The following USP31 variants were observed in gnomAD, a reference collection of about 807,000 sequenced individuals.
USP31 encodes the protein ubiquitin carboxyl-terminal hydrolase 31.
A neutral mutation model predicts 119.4 loss-of-function variants in USP31; 44 were observed. The ratio of observed to expected loss-of-function variants is 0.37; its 90% CI spans 0.29 to 0.47. The LOEUF is 0.47. Among genes scored for constraint, USP31 ranks in the 20% least tolerant of loss-of-function variants. USP31 has a pLI of 0.99. For synonymous variants in USP31, 749 were observed against 705.6 expected, an observed-to-expected ratio of 1.06 and a Z score of -0.97; for missense variants, 1,643 against 1,730.2, an observed-to-expected ratio of 0.95 and a Z score of 0.89.
At chr16:23,117,522 T>C (rs771249886) in intron 1 of USP31, among the ~76,000 whole-genome samples, 1 of 152,118 alleles carries the variant, frequency 6.6e-6, no homozygotes, top group African/African-American at 2.4e-5. Flanking sequence ...AGAGCCAGGA[T>C]AAAAGGGAGA....
Position 23,087,104 on chromosome 16 carries a change from G to C in USP31, c.1610C>G (p.Pro537Arg). The change falls in exon 9 of 16, where the codon CCA (proline) becomes CGA (arginine). Residue 537 changes from proline to arginine, a missense_variant. Physicochemically the swap from Pro to Arg is moderately radical, Grantham distance 103. Coordinates refer to ENST00000219689, the MANE Select transcript of USP31 (RefSeq NM_020718.4). ...LPQEEQPLCH[P>R]IVERALKSCG... ...AAATTTTTTTTACCTTTCTACTATT[G>C]GGTGGCACAAGGGCTGCTCCTCCTG... is the stretch of plus-strand genomic sequence containing the variant. 1 of 1,611,958 alleles carries C rather than the reference G, an allele frequency of 6.2e-7. No homozygotes were observed. Among genetic ancestry groups the C allele is most frequent in the South Asian group, 1.1e-5 (1 of 90,550 alleles).
chr16:23,086,362 T>TGA (rs1050812427), intron 9 of USP31, among the ~76,000 whole-genome samples: 4 of 152,030 alleles, frequency 2.6e-5, no homozygotes, highest in African/African-American at 9.7e-5. Context: ...ATAAAAAATT[T>TGA]GAGTTTTCAC....
intron 1 of USP31, among the ~76,000 whole-genome samples, chr16:23,114,814 G>A (rs1188188004): frequency 6.6e-6 from 1 of 152,120 alleles, no homozygotes; most frequent in Non-Finnish European, 1.5e-5. Flanking sequence ...GACCCTAAAG[G>A]AAATTTAAGG....
intron 1 of USP31, among the ~76,000 whole-genome samples, chr16:23,116,780 C>T (rs1360256786): frequency 6.6e-6 from 1 of 152,070 alleles, no homozygotes; most frequent in Admixed American, 6.6e-5. Flanking sequence ...AGCAGGGGAC[C>T]CTGGTGGGAG....
chr16:23,148,572 G>A lies in USP31; in HGVS notation c.633+66C>T, dbSNP rs1205931924. 2.9e-6 allele frequency: 4 copies of A among 1,396,864 alleles called. No homozygotes were observed. In the African/African-American group the frequency reaches 4.6e-5, roughly 16 times the overall value. 86.5% of individuals were successfully genotyped at this position (1,396,864 alleles called of 1,614,324 possible). Reference sequence around the variant, plus strand: ...GGCCAAGAGGAACCGAGGGAAGGAAGACCTGGGCGGGCAGGTGCCCCAGGG... The same window carrying A: ...GGCCAAGAGGAACCGAGGGAAGGAAAACCTGGGCGGGCAGGTGCCCCAGGG... On this transcript the variant is annotated intron_variant, in intron 1 of 15. Coordinates refer to ENST00000219689, the MANE Select transcript of USP31 (RefSeq NM_020718.4).
chr16:23,066,340 A>C lies in USP31; in HGVS notation c.*1706T>G, dbSNP rs1900067586. 1 of 152,648 alleles carries C rather than the reference A, an allele frequency of 6.6e-6. No individual in the cohort carries two copies. Among genetic ancestry groups the C allele is most frequent in the Non-Finnish European group, 1.5e-5 (1 of 68,042 alleles). The allele number at this position is 152,648 out of a possible 1,614,324, so 9.5% of individuals were successfully genotyped here. The stretch of plus-strand genomic sequence containing the variant: ...CTCCAGACTTGCAAGTTACCGGCTA[A>C]TGCGCAAATTAGCAGCAAAATAAAG... On this transcript the variant is annotated 3_prime_UTR_variant, in exon 16 of 16. Coordinates refer to ENST00000219689, the MANE Select transcript of USP31 (RefSeq NM_020718.4).
chr16:23,069,280 A>G lies in USP31; in HGVS notation c.2825T>C (p.Leu942Pro). 1 of 1,612,574 alleles carries G rather than the reference A, an allele frequency of 6.2e-7. No individual in the cohort carries two copies. The highest frequency in any genetic ancestry group is 8.5e-7 in the Non-Finnish European group (1 of 1,179,258). Residue 942 changes from leucine to proline, a missense_variant, in exon 16 of 16, where the codon CTG becomes CCG. Around this residue, in one of 5 missense-constraint regions of USP31, gnomAD observed 699 missense variants for 650.9 expected, o/e 1.07. Coordinates refer to ENST00000219689, the MANE Select transcript of USP31 (RefSeq NM_020718.4). The part of the protein sequence containing the change: ...REHKAVGRAP[L>P]AVMEGVFKDE... The stretch of plus-strand genomic sequence containing the variant: ...TTTGAACACGCCTTCCATGACAGCC[A>G]GAGGGGCCCGGCCCACAGCCTTGTG...
chr16:23,128,155 C>A (rs775186630), intron 1 of USP31, among the ~76,000 whole-genome samples: 7 of 152,182 alleles, frequency 4.6e-5, no homozygotes, highest in Non-Finnish European at 8.8e-5. Context: ...AGAAATCACT[C>A]CTTTCTTAGA....
intron 1 of USP31, among the ~76,000 whole-genome samples, chr16:23,136,874 T>C (rs1327194944): frequency 6.6e-6 from 1 of 152,224 alleles, no homozygotes; most frequent in Non-Finnish European, 1.5e-5. Flanking sequence ...ATGAACTATA[T>C]GCACTTGAAA....
intron 12 of USP31, 124 bp downstream of exon 12, chr16:23,082,314 C>T (rs1283679956): frequency 3.9e-6 from 5 of 1,286,118 alleles, no homozygotes; most frequent in South Asian, 1.5e-5. Flanking sequence ...GTGTCTATAA[C>T]ATACACAGAC....
intron 1 of USP31, among the ~76,000 whole-genome samples, chr16:23,141,212 T>A (rs1567249616): frequency 6.6e-6 from 1 of 152,162 alleles, no homozygotes; most frequent in East Asian, 1.9e-4. Context: ...ACCTCCTCCA[T>A]CCCGCTCTCC....
rs950715979 is a variant in USP31 at position 23,084,805 on chromosome 16, C to A, written c.1830+55G>T. 1.1e-5 allele frequency: 17 copies of A among 1,600,640 alleles called. No individual in the cohort carries two copies. The African/African-American group carries it at 2.3e-4, about 21-fold the overall frequency. On this transcript the variant is annotated intron_variant, in intron 11 of 15. Transcript: ENST00000219689. ...ATTTGTTTCTCCACTATCACCTTGCCATGCCCCACTCCCCACTGCCCTGAG... is the reference window on the plus strand; with the variant it reads ...ATTTGTTTCTCCACTATCACCTTGCAATGCCCCACTCCCCACTGCCCTGAG...
chr16:23,123,040 T>C (rs1902725636), intron 1 of USP31, among the ~76,000 whole-genome samples: 1 of 152,040 alleles, frequency 6.6e-6, no homozygotes, highest in African/African-American at 2.4e-5. Context: ...TAGAAGACAG[T>C]CTATGTTTAA....
At chr16:23,079,136 T>G (rs1000098619) in intron 13 of USP31, 1 of 152,180 alleles carries the variant, frequency 6.6e-6, no homozygotes, top group Non-Finnish European at 1.5e-5. Context: ...TAGAGATGGA[T>G]AGTGATAATG....
chr16:23,068,752 G>T lies in USP31; in HGVS notation c.3353C>A (p.Ala1118Asp), dbSNP rs780208079. The stretch of plus-strand genomic sequence containing the variant: ...GGAAGCAGTGTAGGTGAGGGCCGAG[G>T]CTGACTTCTGCTTCTGTGGCGAAGG... ...SSPSPQKQKSASALTYTASST... is the reference protein window; with the variant it reads ...SSPSPQKQKSDSALTYTASST... The change falls in exon 16 of 16, where the codon GCC (alanine) becomes GAC (aspartate). Residue 1118 changes from alanine (A) to aspartate (D), a missense_variant. Physicochemically the swap from Ala to Asp is moderately radical, Grantham distance 126. Transcript: ENST00000219689. 13 of 1,588,448 alleles carry T rather than the reference G, an allele frequency of 8.2e-6. No homozygotes were observed. The highest frequency in any genetic ancestry group is 1.7e-4 in the Middle Eastern group (1 of 5,932).
chr16:23,072,981 A>G (rs1900408647), intron 14 of USP31, among the ~76,000 whole-genome samples: 1 of 151,966 alleles, frequency 6.6e-6, no homozygotes. Context: ...GCTTCAAGAG[A>G]AGCAAGGATT....
rs1390832592 is a variant in USP31, at chr16:23,067,141, G to T, written c.*905C>A. 2.0e-5 allele frequency: 3 copies of T among 152,606 alleles called. No homozygotes were observed. Among genetic ancestry groups the T allele is most frequent in the African/African-American group, 7.2e-5 (3 of 41,438 alleles). The allele number at this position is 152,606 out of a possible 1,614,324, so 9.5% of individuals were successfully genotyped here. On this transcript the variant is annotated 3_prime_UTR_variant, in exon 16 of 16. Coordinates refer to ENST00000219689, the MANE Select transcript of USP31 (RefSeq NM_020718.4). ...AGTCTTTCACCCAGTTTAGAATCTA[G>T]AAGTTTTTTCCAGGAATCTGTCAAA...
At chr16:23,081,934 C>T (rs1900848716) in intron 12 of USP31, among the ~76,000 whole-genome samples, 1 of 152,240 alleles carries the variant, frequency 6.6e-6, no homozygotes, top group South Asian at 2.1e-4. Flanking sequence ...CTAATGTTTA[C>T]TTCCCATTTA....
intron 1 of USP31, among the ~76,000 whole-genome samples, chr16:23,116,511 T>C (rs546885741): frequency 1.6e-4 from 25 of 152,312 alleles, no homozygotes; most frequent in African/African-American, 5.5e-4. Context: ...AATGGTAATA[T>C]AGTGTCCATG....
Sources: allele counts gnomAD v4.1 joint callset (sites outside exome capture counted in the v4.1 genomes callset), GRCh38; gene constraint gnomAD v4.1.1; regional missense constraint gnomAD v4.1.1; transcripts MANE v1.5; gene names NCBI Gene and HGNC (gene_info 2026-07-23, HGNC 2026-07-21).